HS2ST1: variants seen among roughly 807,000 people sequenced by gnomAD.
HS2ST1 encodes the protein heparan sulfate 2-O-sulfotransferase 1.
HS2ST1 carries 18 observed loss-of-function variants against 42.9 expected under a neutral mutation model. That is an observed-to-expected ratio of 0.42 (90% CI 0.29 to 0.62). HS2ST1 has a LOEUF of 0.62. Among genes scored for constraint, HS2ST1 ranks in the 20% least tolerant of loss-of-function variants. The pLI, the probability that HS2ST1 is intolerant of heterozygous loss-of-function variation, is 0.21. For synonymous variants in HS2ST1, 146 were observed against 152.9 expected (o/e 0.95, Z 0.33); for missense variants, 334 against 433.8 (o/e 0.77, Z 2.04).
chr1:86,925,655 G>A (rs1346433644), intron 1 of HS2ST1, among the ~76,000 whole-genome samples: 3 of 152,122 alleles, frequency 2.0e-5, no homozygotes, highest in Non-Finnish European at 4.4e-5. Flanking sequence ...AACAGAATGG[G>A]AAAGACTTGC....
At chr1:87,045,007 C>T (rs932743145) in intron 1 of HS2ST1, 64 of 1,543,686 alleles carry the variant, frequency 4.1e-5, no homozygotes, top group Non-Finnish European at 5.0e-5. Flanking sequence ...TTCTCTTTCT[C>T]GTCTGATTTC....
chr1:86,960,317 C>A (rs1241519330), intron 1 of HS2ST1, among the ~76,000 whole-genome samples: 1 of 150,094 alleles, frequency 6.7e-6, no homozygotes, highest in African/African-American at 2.5e-5. Context: ...ATGTTAAGCA[C>A]AAAAATGTAA....
chr1:86,984,350 A>G (rs568290771), intron 1 of HS2ST1, among the ~76,000 whole-genome samples: 3 of 152,324 alleles, frequency 2.0e-5, no homozygotes, highest in Non-Finnish European at 4.4e-5. Context: ...TGACCTGCCC[A>G]GTTTACAAGA....
At chr1:86,933,492 A>G (rs1660582092) in intron 1 of HS2ST1, among the ~76,000 whole-genome samples, 1 of 151,880 alleles carries the variant, frequency 6.6e-6, no homozygotes, top group African/African-American at 2.4e-5. Context: ...TGTTATTTCC[A>G]TTTCAGTTTG....
At chr1:87,005,816 T>C (rs1476884642) in intron 1 of HS2ST1, among the ~76,000 whole-genome samples, 1 of 152,128 alleles carries the variant, frequency 6.6e-6, no homozygotes, top group East Asian at 1.9e-4. Context: ...TATGATAAAA[T>C]AACTTTTTAG....
intron 1 of HS2ST1, among the ~76,000 whole-genome samples, chr1:86,937,708 C>T (rs759734760): frequency 5.1e-4 from 78 of 151,944 alleles, no homozygotes; most frequent in Non-Finnish European, 8.7e-4. Context: ...TTTCAGATTG[C>T]CTTTCCTTCT....
chr1:86,951,801 A>G (rs191254614), intron 1 of HS2ST1, among the ~76,000 whole-genome samples: 44 of 152,356 alleles, frequency 2.9e-4, no homozygotes, highest in Middle Eastern at 3.4e-3. Context: ...TGCTTTATCA[A>G]CTATGTTTAT....
At chr1:86,939,485 C>T (rs1186701174) in intron 1 of HS2ST1, among the ~76,000 whole-genome samples, 1 of 152,176 alleles carries the variant, frequency 6.6e-6, no homozygotes, top group African/African-American at 2.4e-5. Flanking sequence ...CATGGATGTA[C>T]TTATGTTTTC....
chr1:86,915,171 G>A lies in HS2ST1; in HGVS notation c.124+11G>A. ...CCCGCTCGAAGCTAGGTGAGGAACT[G>A]AACTGCCCCGGGCTGAGTGCTGTGG... On this transcript the variant is annotated intron_variant, in intron 1 of 6. Transcript: ENST00000370550. 3 of 1,611,102 alleles carry A rather than the reference G, an allele frequency of 1.9e-6. No individual in the cohort carries two copies. Among genetic ancestry groups the A allele is most frequent in the Non-Finnish European group, 2.5e-6 (3 of 1,178,306 alleles).
At chr1:87,045,218 T>G in intron 1 of HS2ST1, 10 of 1,000,672 alleles carry the variant, frequency 1.0e-5, no homozygotes, top group Non-Finnish European at 1.6e-5. Context: ...CACCAACACT[T>G]CAAATTCAAC....
At chr1:87,077,476 A>G (rs191425960) in intron 2 of HS2ST1, among the ~76,000 whole-genome samples, 5 of 152,306 alleles carry the variant, frequency 3.3e-5, no homozygotes, top group African/African-American at 1.2e-4. Context: ...AGGTTTAATG[A>G]CATCCTCTTA....
intron 1 of HS2ST1, among the ~76,000 whole-genome samples, chr1:86,969,145 C>T (rs1051012866): frequency 2.0e-5 from 3 of 152,158 alleles, no homozygotes; most frequent in Non-Finnish European, 4.4e-5. Context: ...CAGAGGTTTT[C>T]ATTTAAAAGC....
At chr1:86,965,358 C>T (rs370718871) in intron 1 of HS2ST1, among the ~76,000 whole-genome samples, 5 of 152,100 alleles carry the variant, frequency 3.3e-5, no homozygotes, top group African/African-American at 7.2e-5. Context: ...GCTTTTCCCC[C>T]CTCTGCACAG....
intron 1 of HS2ST1, among the ~76,000 whole-genome samples, chr1:86,936,778 T>C (rs1660662905): frequency 6.6e-6 from 1 of 151,998 alleles, no homozygotes; most frequent in South Asian, 2.1e-4. Context: ...ACAGCATACG[T>C]TTATTCCATG....
chr1:86,953,040 A>G (rs907065080), intron 1 of HS2ST1, among the ~76,000 whole-genome samples: 4 of 152,200 alleles, frequency 2.6e-5, no homozygotes, highest in African/African-American at 9.7e-5. Flanking sequence ...TATTGTAGCC[A>G]CCTTCATCAG....
At chr1:87,016,257 A>G (rs1159213278) in intron 1 of HS2ST1, among the ~76,000 whole-genome samples, 1 of 152,252 alleles carries the variant, frequency 6.6e-6, no homozygotes, top group Non-Finnish European at 1.5e-5. Context: ...AGTTAAAAGC[A>G]GAGTGACTTA....
At chr1:87,056,652 A>G (rs966808005) in intron 1 of HS2ST1, among the ~76,000 whole-genome samples, 4 of 152,226 alleles carry the variant, frequency 2.6e-5, no homozygotes, top group East Asian at 3.8e-4. Flanking sequence ...CAGTTTCCCA[A>G]TACTTAGACT....
At chr1:86,996,299 G>A (rs1190463040) in intron 1 of HS2ST1, among the ~76,000 whole-genome samples, 1 of 151,954 alleles carries the variant, frequency 6.6e-6, no homozygotes, top group Non-Finnish European at 1.5e-5. Flanking sequence ...AAAATTAGCT[G>A]GTCATGGTGG....
chr1:87,099,389 G>A (rs1652146863), intron 5 of HS2ST1, among the ~76,000 whole-genome samples: 1 of 152,164 alleles, frequency 6.6e-6, no homozygotes, highest in South Asian at 2.1e-4. Context: ...GCAAGAAAGT[G>A]GGCAGTAGGG....
Sources: allele counts gnomAD v4.1 joint callset (sites outside exome capture counted in the v4.1 genomes callset), GRCh38; gene constraint gnomAD v4.1.1; transcripts MANE v1.5; gene names NCBI Gene and HGNC (gene_info 2026-07-23, HGNC 2026-07-21).